Variants in MS4A2 observed in about 807,000 individuals in gnomAD.
The protein encoded by MS4A2 is high affinity immunoglobulin epsilon receptor subunit beta.
A neutral mutation model predicts 27.9 loss-of-function variants in MS4A2; 26 were observed. The observed-to-expected ratio is 0.93, with a 90% CI of 0.68 to 1.29. MS4A2 has a LOEUF of 1.29. Ranked by LOEUF, MS4A2 falls within the 50% of genes most tolerant of loss-of-function variation. The pLI is 0.00. For missense variants in MS4A2, 284 were observed against 284.6 expected (o/e 1.00, Z 0.01); for synonymous variants, 110 against 98.8 (o/e 1.11, Z -0.67).
At chr11:60,093,834 G>A (rs1855817130) in intron 5 of MS4A2, 130 bp from the exon 6 acceptor site, 6 of 697,826 alleles carry the variant, frequency 8.6e-6, no homozygotes, top group Admixed American at 4.2e-5. Context: ...GTGTGTGTGT[G>A]TGTATGTGTC....
At position 60,088,949 on chromosome 11, in the gene MS4A2, G is replaced by A. The variant is rs961066354; in HGVS notation, c.56+128G>A. On this transcript the variant is annotated intron_variant, in intron 1 of 6. Transcript: ENST00000278888. ...ATCCATCTAGTTTAATTAATATATT[G>A]GGTATGAGGAAGCTACTTGCTGTAC... 3 of 971,834 alleles carry A rather than the reference G, an allele frequency of 3.1e-6. 1 individual carries two copies. The highest frequency in any genetic ancestry group is 2.9e-5 in the South Asian group (2 of 70,010). 60.2% of individuals were successfully genotyped at this position (971,834 alleles called of 1,614,324 possible).
rs370557134 is a variant in MS4A2 at position 60,097,308 on chromosome 11, C to T, written c.*1652C>T. 5 of 152,298 alleles carry T rather than the reference C, an allele frequency of 3.3e-5. No individual in the cohort carries two copies. In the East Asian group the frequency reaches 5.8e-4, roughly 18 times the overall value. 9.4% of individuals were successfully genotyped at this position (152,298 alleles called of 1,614,324 possible). On this transcript the variant is annotated 3_prime_UTR_variant, in exon 7 of 7. Transcript: ENST00000278888. ...GATTAGATAAAGAGAAAATAAGTAT[C>T]CATCAGAGACAGTATCTCTAGGCTT...
Position 60,093,958 on chromosome 11 carries a change from C to A in MS4A2, c.538-6C>A. On this transcript the variant is annotated splice_polypyrimidine_tract_variant and splice_region_variant and intron_variant, in intron 5 of 6. Transcript: ENST00000278888. Reference sequence around the variant, plus strand: ...TTTTTGTTTGTCATTTGTTGCTGTTCAATAGGAAATTGTAGTGATGATGCT... The same window carrying A: ...TTTTTGTTTGTCATTTGTTGCTGTTAAATAGGAAATTGTAGTGATGATGCT... 6.2e-7 allele frequency: 1 copy of A among 1,607,208 alleles called. No individual in the cohort carries two copies. The highest frequency in any genetic ancestry group is 1.1e-5 in the South Asian group (1 of 90,908).
chr11:60,094,189 T>C (rs1004216605), intron 6 of MS4A2, 127 bp downstream of exon 6: 3 of 718,180 alleles, frequency 4.2e-6, no homozygotes. Context: ...GTTTTATTAC[T>C]TTGGTTTACA....
intron 4 of MS4A2, 77 bp from the exon 5 acceptor site, chr11:60,093,323 G>T (rs1286850694): frequency 6.3e-7 from 1 of 1,590,942 alleles, no homozygotes; most frequent in Non-Finnish European, 8.6e-7. Flanking sequence ...GATGCATCCA[G>T]CCCTGAAATG....
intron 4 of MS4A2, 116 bp downstream of exon 4, chr11:60,092,964 T>C: frequency 9.6e-7 from 1 of 1,040,120 alleles, no homozygotes; most frequent in Non-Finnish European, 1.5e-6. Context: ...TGTGGATATA[T>C]GATTTTGTTT....
chr11:60,089,947 A>T, intron 2 of MS4A2, 126 bp downstream of exon 2: 1 of 1,263,224 alleles, frequency 7.9e-7, no homozygotes, highest in South Asian at 1.4e-5. Context: ...AACATGGTAG[A>T]TAAAGAGTTG....
chr11:60,095,933 G>C lies in MS4A2; in HGVS notation c.*277G>C. 4.8e-6 allele frequency: 2 copies of C among 413,766 alleles called. No homozygotes were observed. The highest frequency in any genetic ancestry group is 8.9e-6 in the Non-Finnish European group (2 of 224,774). 25.6% of individuals were successfully genotyped at this position (413,766 alleles called of 1,614,324 possible). On this transcript the variant is annotated 3_prime_UTR_variant, in exon 7 of 7. Coordinates refer to ENST00000278888, the MANE Select transcript of MS4A2 (RefSeq NM_000139.5). ...AACATGTAGTAAGCAAGATTTAACT[G>C]TTTGATTATAACTGTGCAAATACAG...
At chr11:60,090,517 T>C (rs1283012703) in intron 3 of MS4A2, 47 bp downstream of exon 3, 1 of 1,584,720 alleles carries the variant, frequency 6.3e-7, no homozygotes, top group Non-Finnish European at 8.6e-7. Flanking sequence ...TGAACATAGG[T>C]TTTTCTCTTT....
intron 3 of MS4A2, among the ~76,000 whole-genome samples, chr11:60,092,123 T>C (rs1855771071): frequency 6.6e-6 from 1 of 152,072 alleles, no homozygotes; most frequent in Non-Finnish European, 1.5e-5. Context: ...AGTGGTGGTC[T>C]AATCGATTCA....
chr11:60,092,858 C>T lies in MS4A2; in HGVS notation c.378+10C>T. 7.4e-6 allele frequency: 12 copies of T among 1,611,592 alleles called. No individual in the cohort carries two copies. The highest frequency in any genetic ancestry group is 9.3e-6 in the Non-Finnish European group (11 of 1,178,010). ...AAATGCAACATATCTGGTGAGTTGC[C>T]CGTTTCTGTCTTTGTCCATCCTTGA... On this transcript the variant is annotated intron_variant, in intron 4 of 6. Coordinates refer to ENST00000278888, the MANE Select transcript of MS4A2 (RefSeq NM_000139.5).
rs1322044769 is a variant in MS4A2 at position 60,096,199 on chromosome 11, T to G, written c.*543T>G. 6.5e-6 allele frequency: 1 copy of G among 154,916 alleles called. No individual in the cohort carries two copies. The highest frequency in any genetic ancestry group is 2.4e-5 in the African/African-American group (1 of 41,446). 9.6% of individuals were successfully genotyped at this position (154,916 alleles called of 1,614,324 possible). ...TACATTTTTGCCAAGACATGAAGTT[T>G]TATAAAGATCTGTATAATTGCCTGA... is the stretch of plus-strand genomic sequence containing the variant. On this transcript the variant is annotated 3_prime_UTR_variant, in exon 7 of 7. Transcript: ENST00000278888.
intron 6 of MS4A2, among the ~76,000 whole-genome samples, chr11:60,094,728 C>T (rs1855836145): frequency 6.6e-6 from 1 of 152,214 alleles, no homozygotes; most frequent in African/African-American, 2.4e-5. Flanking sequence ...GAGGGCGGAT[C>T]ACTTGAAGTC....
At chr11:60,093,366 A>G in intron 4 of MS4A2, 34 bp from the exon 5 acceptor site, 1 of 1,613,700 alleles carries the variant, frequency 6.2e-7, no homozygotes, top group Non-Finnish European at 8.5e-7. Flanking sequence ...CAGCAAGTGC[A>G]GGCCCAGGTC....
intron 4 of MS4A2, 130 bp downstream of exon 4, chr11:60,092,978 T>A: frequency 2.1e-6 from 2 of 958,250 alleles, no homozygotes; most frequent in East Asian, 2.6e-5. Context: ...TTTGTTTCAA[T>A]CTATTTTGTG....
chr11:60,094,059 C>T lies in MS4A2; in HGVS notation c.633C>T (p.Asn211=). The change falls in exon 6 of 7, where the codon AAC becomes AAT. Residue 211 remains asparagine, a synonymous_variant. Coordinates refer to ENST00000278888, the MANE Select transcript of MS4A2 (RefSeq NM_000139.5). ...GAGCTGGGGAAGAACTCAAAGGAAA[C>T]AAGGTAGATAGAAGCCCGATATAAA... ...ICGAGEELKG[N]KVPEDRVYEE... The T allele has an allele frequency of 2.5e-6, 4 of 1,606,576 alleles. No homozygotes were observed. Among genetic ancestry groups the T allele is most frequent in the South Asian group, 1.1e-5 (1 of 90,912 alleles).
chr11:60,094,423 T>A (rs914571257), intron 6 of MS4A2, among the ~76,000 whole-genome samples: 1 of 152,222 alleles, frequency 6.6e-6, no homozygotes, highest in Non-Finnish European at 1.5e-5. Context: ...GTTTCTGTTT[T>A]ATTCCTTTGT....
chr11:60,088,267 T>A (rs1274646678), upstream of MS4A2: 1 of 174,086 alleles, frequency 5.7e-6, no homozygotes, highest in Non-Finnish European at 1.2e-5. Context: ...GCACTTCAGT[T>A]TTGGGTCTAT....
chr11:60,093,530 C>T lies in MS4A2; in HGVS notation c.509C>T (p.Thr170Ile). 1 of 1,614,140 alleles carries T rather than the reference C, an allele frequency of 6.2e-7. No individual in the cohort carries two copies. The highest frequency in any genetic ancestry group is 8.5e-7 in the Non-Finnish European group (1 of 1,180,032). The change falls in exon 5 of 7, where the codon ACC (threonine) becomes ATC (isoleucine). Residue 170 changes from threonine (T) to isoleucine (I), a missense_variant. Physicochemically the swap from Thr to Ile is moderately conservative, Grantham distance 89. Transcript: ENST00000278888. ...HIHSCQKFFETKCFMASFSTE... is the reference protein window; with the variant it reads ...HIHSCQKFFEIKCFMASFSTE... ...CACAGTTGCCAGAAATTTTTTGAGA[C>T]CAAGTGCTTTATGGCTTCCTTTTCC...
Sources: allele counts gnomAD v4.1 joint callset (sites outside exome capture counted in the v4.1 genomes callset), GRCh38; gene constraint gnomAD v4.1.1; transcripts MANE v1.5; gene names NCBI Gene and HGNC (gene_info 2026-07-23, HGNC 2026-07-21).